TBC1D30: variants seen among roughly 807,000 people sequenced by gnomAD.
The protein encoded by TBC1D30 is TBC1 domain family member 30.
Under a neutral mutation model 63.2 loss-of-function variants are expected in TBC1D30, and 31 were observed. The observed-to-expected ratio is 0.49, with a 90% CI of 0.37 to 0.66. The LOEUF (loss-of-function observed/expected upper bound fraction) is 0.66. Ranked by LOEUF, TBC1D30 falls within the 30% of genes least tolerant of loss-of-function variation. TBC1D30 has a pLI of 0.00. For synonymous variants in TBC1D30, 307 were observed against 361.5 expected (o/e 0.85, Z 1.71); for missense variants, 810 against 953.6 (o/e 0.85, Z 1.98).
intron 2 of TBC1D30, among the ~76,000 whole-genome samples, chr12:64,815,115 T>C (rs1370346369): frequency 6.6e-6 from 1 of 152,256 alleles, no homozygotes; most frequent in East Asian, 1.9e-4. Flanking sequence ...CAACCACAGC[T>C]GAATGTTCTG....
chr12:64,820,131 A>C (rs1873802402), upstream of TBC1D30, among the ~76,000 whole-genome samples: 1 of 152,166 alleles, frequency 6.6e-6, no homozygotes, highest in Non-Finnish European at 1.5e-5. Context: ...ATAAGCACGT[A>C]GGCCCTTTTT....
upstream of TBC1D30, among the ~76,000 whole-genome samples, chr12:64,779,603 TG>T (rs1440293360): frequency 6.6e-6 from 1 of 152,192 alleles, no homozygotes; most frequent in South Asian, 2.1e-4. Flanking sequence ...AAAACTGTGC[TG>T]AACAAACACG....
intron 5 of TBC1D30, among the ~76,000 whole-genome samples, chr12:64,833,299 G>T (rs974840734): frequency 2.6e-5 from 4 of 152,156 alleles, no homozygotes; most frequent in Non-Finnish European, 5.9e-5. Flanking sequence ...TTAAAAACAT[G>T]TTGAGATGGG....
intron 2 of TBC1D30, among the ~76,000 whole-genome samples, chr12:64,800,326 A>G (rs1399179485): frequency 6.6e-6 from 1 of 152,174 alleles, no homozygotes; most frequent in African/African-American, 2.4e-5. Flanking sequence ...TCCTGTAGCA[A>G]TATCTCCCTG....
At chr12:64,825,145 T>A in intron 1 of TBC1D30, 112 bp downstream of exon 1, 1 of 1,384,598 alleles carries the variant, frequency 7.2e-7, no homozygotes, top group Non-Finnish European at 9.5e-7. Flanking sequence ...AAAGTCCGCG[T>A]GCCACCTGGT....
At chr12:64,791,688 G>T (rs1415633572) in intron 2 of TBC1D30, among the ~76,000 whole-genome samples, 2 of 151,202 alleles carry the variant, frequency 1.3e-5, no homozygotes, top group East Asian at 3.9e-4. Context: ...ATTTGTGTGT[G>T]TGTGTGTGTT....
At chr12:64,782,159 A>G (rs939333153) in intron 1 of TBC1D30, among the ~76,000 whole-genome samples, 1 of 151,752 alleles carries the variant, frequency 6.6e-6, no homozygotes, top group East Asian at 1.9e-4. Context: ...TAGAAATATC[A>G]AGACCTCCAT....
chr12:64,764,606 C>T (rs187900106), intron 1 of TBC1D30, among the ~76,000 whole-genome samples: 1 of 152,236 alleles, frequency 6.6e-6, no homozygotes, highest in East Asian at 1.9e-4. Context: ...CAACTTTTTG[C>T]CTGGTGGAGG....
At chr12:64,863,116 T>C (rs1877932776) in intron 8 of TBC1D30, among the ~76,000 whole-genome samples, 1 of 152,156 alleles carries the variant, frequency 6.6e-6, no homozygotes, top group African/African-American at 2.4e-5. Flanking sequence ...ATTAATAAAA[T>C]TATATGAAAT....
Position 64,838,980 on chromosome 12 carries a change from C to T in TBC1D30, c.932+129C>T, listed in dbSNP as rs949587210. 80 of 901,042 alleles carry T rather than the reference C, an allele frequency of 8.9e-5. 1 individual carries two copies. Among genetic ancestry groups the T allele is most frequent in the Non-Finnish European group, 1.2e-4 (75 of 612,056 alleles). 55.8% of individuals were successfully genotyped at this position (901,042 alleles called of 1,614,324 possible). A position where few individuals can be genotyped will look rare whatever the true frequency, so the allele number is the denominator to read the frequency against. ...TGAACTTTTAAAATTGCTTTAGCCTCCTGAAATCTCAGCAGGCTCATTGCT... is the reference window on the plus strand; with the variant it reads ...TGAACTTTTAAAATTGCTTTAGCCTTCTGAAATCTCAGCAGGCTCATTGCT... On this transcript the variant is annotated intron_variant, in intron 7 of 11. Transcript: ENST00000539867.
intron 8 of TBC1D30, among the ~76,000 whole-genome samples, chr12:64,863,008 T>C (rs917920637): frequency 6.6e-6 from 1 of 152,134 alleles, no homozygotes; most frequent in Non-Finnish European, 1.5e-5. Context: ...TAAGACATGA[T>C]AGTAAGAGCA....
chr12:64,801,799 C>T (rs932003548), intron 2 of TBC1D30, among the ~76,000 whole-genome samples: 5 of 152,066 alleles, frequency 3.3e-5, no homozygotes, highest in East Asian at 1.9e-4. Context: ...TATCAGGCAG[C>T]AGGAGAATAG....
intron 2 of TBC1D30, among the ~76,000 whole-genome samples, chr12:64,808,204 C>T (rs1300079006): frequency 6.6e-6 from 1 of 152,154 alleles, no homozygotes. Context: ...TTGCCACATG[C>T]TATTTCCTCC....
At chr12:64,820,001 C>T (rs116526966), upstream of TBC1D30, among the ~76,000 whole-genome samples, 1,756 of 152,222 alleles carry the variant, frequency 0.012, 47 homozygotes, top group African/African-American at 0.04. Flanking sequence ...CAGGGAACTC[C>T]GCAGCTGTAC....
chr12:64,870,475 G>GT (rs1461331608), intron 10 of TBC1D30, 127 bp from the exon 11 acceptor site: 12 of 729,488 alleles, frequency 1.6e-5, no homozygotes, highest in African/African-American at 5.3e-5. Context: ...TCTAGTATGC[G>GT]TTTTTTTCTG....
intron 2 of TBC1D30, among the ~76,000 whole-genome samples, chr12:64,819,406 CTTTTTTTTTTTTT>C (rs55757950): frequency 0.015 from 1,207 of 78,130 alleles, 29 homozygotes; most frequent in African/African-American, 0.053. Context: ...GAAGGAACTA[CTTTTTTTTTTTTT>C]TTTTTTTTTT....
At chr12:64,762,523 T>G (rs1252775709) in intron 1 of TBC1D30, among the ~76,000 whole-genome samples, 2 of 152,110 alleles carry the variant, frequency 1.3e-5, no homozygotes, top group African/African-American at 4.8e-5. Flanking sequence ...GGAGGCTCCT[T>G]AAGAAAAAGA....
intron 2 of TBC1D30, among the ~76,000 whole-genome samples, chr12:64,806,017 A>G (rs1289686219): frequency 6.6e-6 from 1 of 152,170 alleles, no homozygotes; most frequent in Non-Finnish European, 1.5e-5. Flanking sequence ...CTGTATTAAG[A>G]GTGAATGTTG....
Position 64,870,736 on chromosome 12 carries a change from G to A in TBC1D30, c.1426G>A (p.Ala476Thr), listed in dbSNP as rs1252670886. 4.6e-6 allele frequency: 7 copies of A among 1,536,090 alleles called. No individual in the cohort carries two copies. Among genetic ancestry groups the A allele is most frequent in the South Asian group, 2.4e-5 (2 of 84,052 alleles). The change falls in exon 11 of 12, where the codon GCA (alanine) becomes ACA (threonine). Residue 476 changes from alanine (A) to threonine (T), a missense_variant. By Grantham distance (58) the Ala-to-Thr change is moderately conservative (BLOSUM62 0). Transcript: ENST00000539867. ...MMERMTTDIN[A>T]LKRQYSRIKK... The stretch of plus-strand genomic sequence containing the variant: ...GGAACGCATGACCACAGATATCAAT[G>A]CACTGAAGCGGCAGTACTCTCGAAT...
Sources: gnomAD v4.1 joint callset for allele counts (sites outside exome capture counted in the v4.1 genomes callset) on GRCh38, gnomAD v4.1.1 for gene constraint, MANE v1.5 for transcripts, NCBI Gene and HGNC (gene_info 2026-07-23, HGNC 2026-07-21) for gene names.